The following CYLD variants were observed in gnomAD, a reference collection of about 807,000 sequenced individuals.
CYLD encodes ubiquitin carboxyl-terminal hydrolase CYLD.
In CYLD, 26 loss-of-function variants were observed where a neutral mutation model predicts 104.5. That is an observed-to-expected ratio of 0.25 (90% CI 0.18 to 0.35). The LOEUF is 0.35. Ranked by LOEUF, CYLD falls within the 10% of genes least tolerant of loss-of-function variation. The probability of loss-of-function intolerance (pLI) is 1.00; values close to 1 mark genes in which losing one functional copy is unlikely to be tolerated. For missense variants in CYLD, 703 were observed against 1,136.1 expected, an observed-to-expected ratio of 0.62 and a Z score of 5.48; for synonymous variants, 385 against 399.9, an observed-to-expected ratio of 0.96 and a Z score of 0.45.
At chr16:50,783,797 C>T (rs1003941746) in intron 11 of CYLD, 41 of 161,000 alleles carry the variant, frequency 2.5e-4, no homozygotes, top group African/African-American at 9.4e-4. Flanking sequence ...TCTCGGCCTC[C>T]CAAAGTTCTG....
At position 50,787,203 on chromosome 16, in the gene CYLD, C is replaced by T. The variant is rs1166854708; in HGVS notation, c.2041+257C>T. The T allele has an allele frequency of 3.8e-5, 17 of 452,320 alleles. No homozygotes were observed. In the South Asian group the frequency reaches 4.0e-4, roughly 11 times the overall value. The allele number at this position is 452,320 out of a possible 1,614,324, so 28.0% of individuals were successfully genotyped here. A position where few individuals can be genotyped will look rare whatever the true frequency, so the allele number is the denominator to read the frequency against. On this transcript the variant is annotated intron_variant, in intron 13 of 18. Transcript: ENST00000427738. ...TAAATGCTTAAATAAAAAGTCCTTT[C>T]CTTTCCACCTAGCAATGATATTCTC...
intron 8 of CYLD, chr16:50,778,324 G>A (rs186532169): frequency 6.3e-6 from 1 of 159,968 alleles, no homozygotes; most frequent in Admixed American, 6.2e-5. Context: ...TTTATTGAGT[G>A]CTTATGATTG....
At chr16:50,766,033 G>T (rs898426853) in intron 5 of CYLD, among the ~76,000 whole-genome samples, 4 of 152,202 alleles carry the variant, frequency 2.6e-5, no homozygotes, top group African/African-American at 9.7e-5. Flanking sequence ...GATGAAAGTG[G>T]CTACATTAAA....
chr16:50,758,252 A>T (rs1322500246), intron 5 of CYLD, among the ~76,000 whole-genome samples: 1 of 152,224 alleles, frequency 6.6e-6, no homozygotes, highest in Non-Finnish European at 1.5e-5. Context: ...GAACATGTGG[A>T]TTCCGAGGGA....
intron 10 of CYLD, among the ~76,000 whole-genome samples, chr16:50,781,845 C>T (rs557628435): frequency 3.9e-5 from 6 of 152,256 alleles, no homozygotes; most frequent in African/African-American, 1.4e-4. Context: ...CAGCTCTCCT[C>T]ATCATGTGTA....
rs890171892 is a variant in CYLD, at chr16:50,798,349, T to A, written c.*1841T>A. The A allele has an allele frequency of 4.3e-6, 1 of 231,912 alleles. No homozygotes were observed. The highest frequency in any genetic ancestry group is 2.2e-5 in the African/African-American group (1 of 45,288). The allele number at this position is 231,912 out of a possible 1,614,324, so 14.4% of individuals were successfully genotyped here. A position where few individuals can be genotyped will look rare whatever the true frequency, so the allele number is the denominator to read the frequency against. On this transcript the variant is annotated 3_prime_UTR_variant, in exon 19 of 19. Coordinates refer to ENST00000427738, the MANE Select transcript of CYLD (RefSeq NM_001378743.1). ...AGGATGGTTACATCCGTATTGAACA[T>A]GTACAGACTTTTTTCTTGTCATTAT...
Position 50,798,207 on chromosome 16 carries a change from A to G in CYLD, c.*1699A>G. 1 of 232,316 alleles carries G rather than the reference A, an allele frequency of 4.3e-6. No homozygotes were observed. The highest frequency in any genetic ancestry group is 8.5e-6 in the Non-Finnish European group (1 of 117,384). The allele number at this position is 232,316 out of a possible 1,614,324, so 14.4% of individuals were successfully genotyped here. On this transcript the variant is annotated 3_prime_UTR_variant, in exon 19 of 19. Coordinates refer to ENST00000427738, the MANE Select transcript of CYLD (RefSeq NM_001378743.1). The stretch of plus-strand genomic sequence containing the variant: ...GAGCTTGTCAATGTGATTTTAAAAA[A>G]TTGACTACCTGGAGGAATGATTAGG...
At chr16:50,770,100 G>A (rs1336257512) in intron 5 of CYLD, among the ~76,000 whole-genome samples, 1 of 152,168 alleles carries the variant, frequency 6.6e-6, no homozygotes. Flanking sequence ...TATGAATAAT[G>A]CTTTTATAAA....
intron 5 of CYLD, among the ~76,000 whole-genome samples, chr16:50,766,429 G>A (rs890991304): frequency 6.6e-6 from 1 of 152,230 alleles, no homozygotes; most frequent in African/African-American, 2.4e-5. Flanking sequence ...CTTTGATGGA[G>A]ATGCACAAGG....
rs1158418211 is a variant in CYLD at position 50,784,423 on chromosome 16, A to C, written c.1921A>C (p.Arg641=). 1 of 1,613,400 alleles carries C rather than the reference A, an allele frequency of 6.2e-7. No individual in the cohort carries two copies. Among genetic ancestry groups the C allele is most frequent in the East Asian group, 2.2e-5 (1 of 44,780 alleles). ...EYYSETQELL[R]TEIVNPLRIY... is the part of the protein sequence containing the mutation. Reference sequence around the variant, plus strand: ...TTATAGTGAAACCCAAGAGCTACTGAGGACAGAAATTGTTAATCCTCTGAG... The same window carrying C: ...TTATAGTGAAACCCAAGAGCTACTGCGGACAGAAATTGTTAATCCTCTGAG... The change falls in exon 12 of 19, where the codon AGG becomes CGG. Residue 641 remains arginine (R), a synonymous_variant. Transcript: ENST00000427738.
In CYLD at chr16:50,794,202, T is replaced by A. The variant is rs1322699308; in HGVS notation, c.2470-10T>A. Reference sequence around the variant, plus strand: ...CGGCCTAATGACATTCTTTTCATGGTCCATTTTAGGTCCACCTTCATCCGA... The same window carrying A: ...CGGCCTAATGACATTCTTTTCATGGACCATTTTAGGTCCACCTTCATCCGA... On this transcript the variant is annotated splice_polypyrimidine_tract_variant and intron_variant, in intron 17 of 18. Coordinates refer to ENST00000427738, the MANE Select transcript of CYLD (RefSeq NM_001378743.1). The surrounding 1 kb of genome is among the most constrained non-coding windows in gnomAD (Gnocchi z 4.1). 12 of 1,612,476 alleles carry A rather than the reference T, an allele frequency of 7.4e-6. No individual in the cohort carries two copies. The highest frequency in any genetic ancestry group is 8.5e-6 in the Non-Finnish European group (10 of 1,178,716).
chr16:50,757,869 A>G (rs953030368), intron 5 of CYLD, among the ~76,000 whole-genome samples: 3 of 152,200 alleles, frequency 2.0e-5, no homozygotes, highest in Non-Finnish European at 4.4e-5. Flanking sequence ...AGATAATACA[A>G]TTTATTTTAT....
chr16:50,792,150 A>G (rs141129479), intron 15 of CYLD, among the ~76,000 whole-genome samples: 117 of 152,268 alleles, frequency 7.7e-4, no homozygotes, highest in Non-Finnish European at 1.3e-3. Flanking sequence ...TTTTAATAGT[A>G]TATGCTTGTG....
chr16:50,750,181 A>G lies in CYLD; in HGVS notation c.483A>G (p.Ile161Met). 6.2e-7 allele frequency: 1 copy of G among 1,613,900 alleles called. No homozygotes were observed. The highest frequency in any genetic ancestry group is 8.5e-7 in the Non-Finnish European group (1 of 1,179,950). Residue 161 changes from isoleucine (I) to methionine (M), a missense_variant, in exon 3 of 19, where the codon ATA (isoleucine) becomes ATG (methionine). By Grantham distance (10) the Ile-to-Met change is conservative (BLOSUM62 1). Coordinates refer to ENST00000427738, the MANE Select transcript of CYLD (RefSeq NM_001378743.1). ...PLLAERTVSG[I>M]FFGVELLEEG... ...TAGCAGAGAGGACAGTCTCCGGAAT[A>G]TTCTTTGGAGTTGAATTGCTGGTAA...
At chr16:50,745,241 G>A (rs773685749) in intron 2 of CYLD, among the ~76,000 whole-genome samples, 65 of 151,808 alleles carry the variant, frequency 4.3e-4, no homozygotes, top group Non-Finnish European at 6.9e-4. Flanking sequence ...TTTGAATTTA[G>A]CTGTGCTTCT....
At chr16:50,780,833 TC>T (rs1475035153) in intron 9 of CYLD, among the ~76,000 whole-genome samples, 2 of 151,084 alleles carry the variant, frequency 1.3e-5, no homozygotes, top group African/African-American at 4.9e-5. Context: ...TAAATATATT[TC>T]TTTTTTTTTT....
intron 11 of CYLD, 190 bp from the exon 12 acceptor site, chr16:50,784,139 C>T (rs1004270910): frequency 1.2e-5 from 7 of 567,046 alleles, no homozygotes; most frequent in African/African-American, 1.1e-4. Context: ...ATGGAAGGAT[C>T]TGTAGGTCCT....
At chr16:50,778,046 G>A (rs554012368) in intron 8 of CYLD, 105 bp downstream of exon 8, 5 of 709,752 alleles carry the variant, frequency 7.0e-6, no homozygotes, top group Non-Finnish European at 1.3e-5. Flanking sequence ...AACAGAATAA[G>A]TAGACCGCTC....
chr16:50,754,578 C>A, intron 5 of CYLD, 154 bp downstream of exon 5: 2 of 630,646 alleles, frequency 3.2e-6, no homozygotes, highest in East Asian at 5.7e-5. Context: ...CACCCGTCAC[C>A]CGAGAAGTAT....
Sources: gnomAD v4.1 joint callset for allele counts (sites outside exome capture counted in the v4.1 genomes callset) on GRCh38, gnomAD v4.1.1 for gene constraint, Gnocchi (gnomAD v3.1) non-coding constraint, MANE v1.5 for transcripts, NCBI Gene and HGNC (gene_info 2026-07-23, HGNC 2026-07-21) for gene names.